The following ROR1 variants were observed in gnomAD, a reference collection of about 807,000 sequenced individuals.
ROR1 encodes ROR family WNT receptor 1, also known as inactive tyrosine-protein kinase transmembrane receptor ROR1.
A neutral mutation model predicts 78.8 loss-of-function variants in ROR1; 19 were observed. The ratio of observed to expected loss-of-function variants is 0.24; its 90% CI spans 0.17 to 0.35. The LOEUF (loss-of-function observed/expected upper bound fraction) is 0.35, where lower values mean the gene tolerates loss of function less well. Ranked by LOEUF, ROR1 falls within the 10% of genes least tolerant of loss-of-function variation. The pLI is 1.00. For missense variants in ROR1, 917 were observed against 1,177.8 expected, an observed-to-expected ratio of 0.78 and a Z score of 3.24; for synonymous variants, 386 against 433.6, an observed-to-expected ratio of 0.89 and a Z score of 1.36.
intron 4 of ROR1, among the ~76,000 whole-genome samples, chr1:64,051,680 T>G (rs754942218): frequency 6.6e-6 from 1 of 152,190 alleles, no homozygotes; most frequent in Non-Finnish European, 1.5e-5. Flanking sequence ...CATCTTTCAC[T>G]TTAAGAGTAT....
intron 2 of ROR1, among the ~76,000 whole-genome samples, chr1:64,025,718 C>T (rs1022988797): frequency 2.0e-5 from 3 of 151,920 alleles, no homozygotes; most frequent in African/African-American, 7.3e-5. Context: ...TTTGAAGCAA[C>T]CTGGATGGAA....
intron 2 of ROR1, among the ~76,000 whole-genome samples, chr1:64,022,864 GC>G (rs1353180733): frequency 6.6e-6 from 1 of 152,114 alleles, no homozygotes; most frequent in African/African-American, 2.4e-5. Context: ...CTATTTAGAG[GC>G]CATGCTTTCT....
At chr1:63,807,623 T>C (rs962780010) in intron 1 of ROR1, among the ~76,000 whole-genome samples, 12 of 152,250 alleles carry the variant, frequency 7.9e-5, no homozygotes, top group African/African-American at 2.7e-4. Flanking sequence ...TATTTTGTTA[T>C]ATCATCTTTC....
chr1:64,029,395 C>A (rs1474042547), intron 2 of ROR1, among the ~76,000 whole-genome samples: 1 of 152,212 alleles, frequency 6.6e-6, no homozygotes, highest in African/African-American at 2.4e-5. Flanking sequence ...GGTCAATATA[C>A]CCTCTGACTC....
intron 1 of ROR1, among the ~76,000 whole-genome samples, chr1:63,880,202 C>A (rs1442444443): frequency 6.6e-6 from 1 of 152,122 alleles, no homozygotes; most frequent in East Asian, 1.9e-4. Context: ...AGAACAGTGC[C>A]TGGTTCAAAG....
intron 4 of ROR1, among the ~76,000 whole-genome samples, chr1:64,114,339 AT>A (rs544551213): frequency 1.8e-4 from 27 of 152,324 alleles, no homozygotes; most frequent in Admixed American, 1.7e-3. Context: ...TACTATCAGT[AT>A]GAAATGTTGA....
chr1:63,857,697 A>G (rs1309716339), intron 1 of ROR1, among the ~76,000 whole-genome samples: 1 of 152,234 alleles, frequency 6.6e-6, no homozygotes, highest in African/African-American at 2.4e-5. Flanking sequence ...GATATGTGCC[A>G]CTAGAGTTAT....
At chr1:64,139,771 A>G (rs1328398134) in intron 5 of ROR1, among the ~76,000 whole-genome samples, 3 of 152,254 alleles carry the variant, frequency 2.0e-5, no homozygotes, top group Admixed American at 6.5e-5. Context: ...GAAGCCTCAC[A>G]AAACTAATAA....
At chr1:64,147,370 A>C (rs1466206275) in intron 7 of ROR1, among the ~76,000 whole-genome samples, 1 of 152,144 alleles carries the variant, frequency 6.6e-6, no homozygotes, top group Non-Finnish European at 1.5e-5. Context: ...TTTTTTTTTA[A>C]AGAACATTTT....
chr1:64,072,090 C>T (rs991254634), intron 4 of ROR1, among the ~76,000 whole-genome samples: 3 of 152,216 alleles, frequency 2.0e-5, no homozygotes, highest in Admixed American at 1.3e-4. Context: ...AACACCAGTG[C>T]TTCTTGTCTT....
At chr1:63,971,612 C>T (rs949856492) in intron 1 of ROR1, among the ~76,000 whole-genome samples, 5 of 152,144 alleles carry the variant, frequency 3.3e-5, no homozygotes, top group South Asian at 4.1e-4. Context: ...CAAAACCCCA[C>T]TTGAAAGGTT....
intron 1 of ROR1, among the ~76,000 whole-genome samples, chr1:63,882,901 G>A (rs780831179): frequency 3.3e-5 from 5 of 151,684 alleles, no homozygotes; most frequent in Non-Finnish European, 5.9e-5. Flanking sequence ...TGATTTTAGG[G>A]TTACTAAACC....
At chr1:63,915,032 C>T (rs1216239458) in intron 1 of ROR1, among the ~76,000 whole-genome samples, 1 of 152,170 alleles carries the variant, frequency 6.6e-6, no homozygotes, top group African/African-American at 2.4e-5. Flanking sequence ...TTATTGAATA[C>T]ATCGTGCTTG....
At chr1:63,816,364 G>A (rs531941490) in intron 1 of ROR1, among the ~76,000 whole-genome samples, 11 of 152,292 alleles carry the variant, frequency 7.2e-5, no homozygotes, top group African/African-American at 1.7e-4. Context: ...TCTTTCCCAT[G>A]CTGTTCTCAT....
chr1:63,869,736 T>A (rs956637212), intron 1 of ROR1, among the ~76,000 whole-genome samples: 29 of 152,354 alleles, frequency 1.9e-4, no homozygotes, highest in African/African-American at 6.3e-4. Context: ...CTCATTCAGT[T>A]ATTCTAGAGC....
At chr1:63,883,706 G>A (rs762313927) in intron 1 of ROR1, among the ~76,000 whole-genome samples, 33 of 152,096 alleles carry the variant, frequency 2.2e-4, no homozygotes, top group African/African-American at 4.8e-4. Flanking sequence ...GTCTCTGGCC[G>A]CCAGCACCCC....
chr1:63,801,728 G>T (rs949313037), intron 1 of ROR1, among the ~76,000 whole-genome samples: 2 of 152,090 alleles, frequency 1.3e-5, no homozygotes, highest in Non-Finnish European at 2.9e-5. Flanking sequence ...AATGAAAAAG[G>T]TTAGTTAAAA....
At chr1:64,078,201 G>T (rs1374120134) in intron 4 of ROR1, among the ~76,000 whole-genome samples, 2 of 152,148 alleles carry the variant, frequency 1.3e-5, no homozygotes, top group African/African-American at 2.4e-5. Context: ...TATAATAGTA[G>T]TTTGATTCTC....
At chr1:64,050,036 C>CTA (rs1646816439) in intron 3 of ROR1, 58 bp downstream of exon 3, 4 of 1,571,422 alleles carry the variant, frequency 2.5e-6, no homozygotes, top group Non-Finnish European at 3.5e-6. Flanking sequence ...GGTAGGATGG[C>CTA]TAGAGTCCAC....
Sources: allele counts gnomAD v4.1 joint callset (sites outside exome capture counted in the v4.1 genomes callset), GRCh38; gene constraint gnomAD v4.1.1; transcripts MANE v1.5; gene names NCBI Gene and HGNC (gene_info 2026-07-23, HGNC 2026-07-21).